The following LMO7 variants were observed in gnomAD, a reference collection of about 807,000 sequenced individuals.
LMO7 encodes LIM domain only protein 7.
LMO7 carries 120 observed loss-of-function variants against 206.5 expected under a neutral mutation model. That is an observed-to-expected ratio of 0.58 (90% CI 0.50 to 0.68). The LOEUF is 0.68. Among genes scored for constraint, LMO7 ranks in the 30% least tolerant of loss-of-function variants. The pLI is 0.00. For synonymous variants in LMO7, 706 were observed against 681.5 expected, an observed-to-expected ratio of 1.04 and a Z score of -0.56; for missense variants, 1,959 against 1,957.9, an observed-to-expected ratio of 1.00 and a Z score of -0.01.
chr13:75,663,721 C>G (rs1020722269), intron 1 of LMO7, among the ~76,000 whole-genome samples: 1 of 152,080 alleles, frequency 6.6e-6, no homozygotes, highest in African/African-American at 2.4e-5. Flanking sequence ...TGAGCCACTG[C>G]GCCTGGCCGT....
chr13:75,852,844 A>G (rs2060602074), intron 27 of LMO7, among the ~76,000 whole-genome samples: 1 of 152,234 alleles, frequency 6.6e-6, no homozygotes, highest in South Asian at 2.1e-4. Context: ...AGGCTTAGTT[A>G]CAATGTATGG....
At chr13:75,700,280 G>C (rs1194905160) in intron 1 of LMO7, among the ~76,000 whole-genome samples, 5 of 152,178 alleles carry the variant, frequency 3.3e-5, no homozygotes, top group Non-Finnish European at 7.3e-5. Flanking sequence ...GTAAAGACAG[G>C]CATAGGAAAT....
intron 3 of LMO7, among the ~76,000 whole-genome samples, chr13:75,738,079 T>G (rs1185152684): frequency 1.4e-5 from 2 of 143,418 alleles, no homozygotes; most frequent in Non-Finnish European, 3.0e-5. Context: ...AGGAGTGTTG[T>G]TTTTTTTTTG....
intron 4 of LMO7, among the ~76,000 whole-genome samples, chr13:75,785,949 T>G (rs2052359969): frequency 1.3e-5 from 2 of 152,204 alleles, no homozygotes. Flanking sequence ...ATCAGTGGTT[T>G]GGAGAAAATT....
intron 1 of LMO7, among the ~76,000 whole-genome samples, chr13:75,696,372 A>C (rs996873047): frequency 1.3e-5 from 2 of 152,058 alleles, no homozygotes; most frequent in African/African-American, 4.8e-5. Context: ...CAAACAAACA[A>C]ACAAACAAAC....
chr13:75,811,365 A>AG (rs2056379450), intron 11 of LMO7, among the ~76,000 whole-genome samples: 2 of 152,120 alleles, frequency 1.3e-5, no homozygotes, highest in South Asian at 4.1e-4. Context: ...TTTCTTAAGT[A>AG]GATCTGCTGC....
intron 3 of LMO7, among the ~76,000 whole-genome samples, chr13:75,734,876 G>C (rs1227774768): frequency 1.3e-5 from 2 of 152,152 alleles, no homozygotes; most frequent in Non-Finnish European, 2.9e-5. Context: ...AAGGCGGGCG[G>C]ATCACAAGGT....
intron 1 of LMO7, among the ~76,000 whole-genome samples, chr13:75,645,867 C>T (rs968855724): frequency 3.3e-5 from 5 of 152,202 alleles, no homozygotes; most frequent in Admixed American, 2.0e-4. Flanking sequence ...GACTCATCTT[C>T]CATGTCTTCT....
At chr13:75,752,408 C>G (rs2047346035) in intron 3 of LMO7, among the ~76,000 whole-genome samples, 1 of 152,174 alleles carries the variant, frequency 6.6e-6, no homozygotes, top group Non-Finnish European at 1.5e-5. Flanking sequence ...GCTGGGATTA[C>G]AGGCATGAGC....
At position 75,796,692 on chromosome 13, in the gene LMO7, T is replaced by C. The variant is rs964022998; in HGVS notation, c.405T>C (p.Asn135=). ...GRKAQSNPYY[N]GPHLNLKAFE... is the part of the protein sequence containing the mutation. Reference sequence around the variant, plus strand: ...AAGCACAAAGCAACCCGTACTATAATGGTCCCCATCTTAATTTGAAAGCGT... The same window carrying C: ...AAGCACAAAGCAACCCGTACTATAACGGTCCCCATCTTAATTTGAAAGCGT... The change falls in exon 6 of 31, where the codon AAT becomes AAC. Residue 135 remains asparagine, a synonymous_variant. Coordinates refer to ENST00000377534, the MANE Select transcript of LMO7 (RefSeq NM_001306080.2). 2 of 1,613,910 alleles carry C rather than the reference T, an allele frequency of 1.2e-6. No individual in the cohort carries two copies. Among genetic ancestry groups the C allele is most frequent in the Non-Finnish European group, 1.7e-6 (2 of 1,179,856 alleles).
At chr13:75,833,858 C>T (rs1019220894) in intron 16 of LMO7, among the ~76,000 whole-genome samples, 1 of 151,972 alleles carries the variant, frequency 6.6e-6, no homozygotes, top group African/African-American at 2.4e-5. Context: ...GCTGTGTTTT[C>T]TTCTGCTTCA....
At chr13:75,724,159 A>G (rs1015229237) in intron 2 of LMO7, among the ~76,000 whole-genome samples, 6 of 152,178 alleles carry the variant, frequency 3.9e-5, no homozygotes, top group African/African-American at 1.4e-4. Context: ...AGATCCTAGC[A>G]AGGGATGAGC....
At chr13:75,777,532 G>C (rs1462380112) in intron 4 of LMO7, among the ~76,000 whole-genome samples, 1 of 151,626 alleles carries the variant, frequency 6.6e-6, no homozygotes, top group Non-Finnish European at 1.5e-5. Flanking sequence ...AAAATACTTT[G>C]GTATTATAAT....
chr13:75,762,187 A>G (rs2048302478), intron 4 of LMO7, among the ~76,000 whole-genome samples: 1 of 152,158 alleles, frequency 6.6e-6, no homozygotes, highest in African/African-American at 2.4e-5. Context: ...CTCCATGGTA[A>G]TTAAATGTAC....
chr13:75,659,032 T>G (rs2038323131), intron 1 of LMO7, among the ~76,000 whole-genome samples: 1 of 119,742 alleles, frequency 8.4e-6, no homozygotes. Context: ...ATCAGAGTTT[T>G]ATCTCTTTCC....
chr13:75,734,946 A>C (rs1399387574), intron 3 of LMO7, among the ~76,000 whole-genome samples: 2 of 152,082 alleles, frequency 1.3e-5, no homozygotes, highest in Non-Finnish European at 2.9e-5. Context: ...AAAAATACAA[A>C]AATTAGCCAG....
chr13:75,743,777 A>G (rs547173907), intron 3 of LMO7, among the ~76,000 whole-genome samples: 30 of 152,252 alleles, frequency 2.0e-4, no homozygotes, highest in African/African-American at 7.0e-4. Flanking sequence ...TGATGAAATA[A>G]TCTGTACAAC....
At chr13:75,648,485 C>A (rs956252809) in intron 1 of LMO7, among the ~76,000 whole-genome samples, 2 of 152,170 alleles carry the variant, frequency 1.3e-5, no homozygotes, top group Admixed American at 6.5e-5. Context: ...CTGTTTCTCA[C>A]CCTCCCTTAC....
At chr13:75,817,039 CTA>C in intron 11 of LMO7, 120 bp from the exon 12 acceptor site, 1 of 652,994 alleles carries the variant, frequency 1.5e-6, no homozygotes, top group Non-Finnish European at 2.8e-6. Flanking sequence ...TTCTGTGACA[CTA>C]TCACTGAAGC....
Sources: allele counts gnomAD v4.1 joint callset (sites outside exome capture counted in the v4.1 genomes callset), GRCh38; gene constraint gnomAD v4.1.1; transcripts MANE v1.5; gene names NCBI Gene and HGNC (gene_info 2026-07-23, HGNC 2026-07-21).